The following LRP1B variants were observed in gnomAD, a reference collection of about 807,000 sequenced individuals.
The protein encoded by LRP1B is LDL receptor related protein 1B.
In LRP1B, 217 loss-of-function variants were observed where a neutral mutation model predicts 556.6. The observed-to-expected ratio is 0.39, with a 90% CI of 0.35 to 0.44. The LOEUF (loss-of-function observed/expected upper bound fraction) is 0.44, where lower values mean the gene tolerates loss of function less well. Ranked by LOEUF, LRP1B falls within the 20% of genes least tolerant of loss-of-function variation. The probability of loss-of-function intolerance (pLI) is 1.00; values close to 1 mark genes in which losing one functional copy is unlikely to be tolerated. For missense variants in LRP1B, 5,053 were observed against 5,620.8 expected (o/e 0.90, Z 3.23); for synonymous variants, 2,047 against 1,865.8 (o/e 1.10, Z -2.50).
chr2:141,310,115 G>A (rs1686755928), intron 3 of LRP1B, among the ~76,000 whole-genome samples: 1 of 152,124 alleles, frequency 6.6e-6, no homozygotes, highest in South Asian at 2.1e-4. Flanking sequence ...TGTATGTATA[G>A]GTAGACAAAC....
chr2:140,631,470 C>T (rs2890530), intron 41 of LRP1B, among the ~76,000 whole-genome samples: 23 of 152,178 alleles, frequency 1.5e-4, no homozygotes, highest in Admixed American at 2.0e-4. Context: ...GGAAACTATA[C>T]GAGTTAAAAG....
At chr2:141,892,396 A>C (rs947275984) in intron 1 of LRP1B, among the ~76,000 whole-genome samples, 1 of 151,964 alleles carries the variant, frequency 6.6e-6, no homozygotes, top group Non-Finnish European at 1.5e-5. Context: ...TTAAGTGGAA[A>C]TTTTTTTAAA....
chr2:141,790,023 G>T (rs1478946502), intron 2 of LRP1B, among the ~76,000 whole-genome samples: 6 of 151,922 alleles, frequency 3.9e-5, no homozygotes, highest in Non-Finnish European at 8.8e-5. Flanking sequence ...TAAAGAAAGA[G>T]TTTAAGCCTA....
At chr2:142,016,012 A>AAAAAAAAAAAAAAAAAAAAAAT in intron 1 of LRP1B, among the ~76,000 whole-genome samples, 1 of 149,428 alleles carries the variant, frequency 6.7e-6, no homozygotes, top group South Asian at 2.1e-4. Flanking sequence ...AAAAAAAAAA[A>AAAAAAAAAAAAAAAAAAAAAAT]GTGGGTGAAG....
chr2:141,499,857 G>C (rs1683648942), intron 2 of LRP1B, among the ~76,000 whole-genome samples: 1 of 151,964 alleles, frequency 6.6e-6, no homozygotes, highest in Non-Finnish European at 1.5e-5. Flanking sequence ...ATCAAATCTT[G>C]AATTTGTTTA....
chr2:140,572,598 T>C (rs1302109072), intron 43 of LRP1B, among the ~76,000 whole-genome samples: 1 of 151,610 alleles, frequency 6.6e-6, no homozygotes, highest in Non-Finnish European at 1.5e-5. Context: ...ATAGAGTTAC[T>C]ATATGAACCA....
At chr2:141,661,427 C>T (rs920121035) in intron 2 of LRP1B, among the ~76,000 whole-genome samples, 1 of 152,074 alleles carries the variant, frequency 6.6e-6, no homozygotes, top group Non-Finnish European at 1.5e-5. Context: ...AAGGTAAGAA[C>T]CATGATAAAA....
intron 2 of LRP1B, among the ~76,000 whole-genome samples, chr2:141,490,896 G>A (rs965066895): frequency 6.9e-6 from 1 of 145,620 alleles, no homozygotes; most frequent in African/African-American, 2.6e-5. Flanking sequence ...TTTCTCCTTC[G>A]TCCCCCTCCC....
intron 3 of LRP1B, among the ~76,000 whole-genome samples, chr2:141,292,316 A>G (rs1686003619): frequency 2.0e-5 from 3 of 152,158 alleles, no homozygotes; most frequent in Non-Finnish European, 4.4e-5. Flanking sequence ...TGTTCCATAC[A>G]GCACACTCCG....
At chr2:141,138,393 C>G (rs536488353) in intron 7 of LRP1B, among the ~76,000 whole-genome samples, 3 of 151,936 alleles carry the variant, frequency 2.0e-5, no homozygotes, top group African/African-American at 7.2e-5. Flanking sequence ...CACTTCTATT[C>G]AATACAGTAC....
rs372463705 is a variant in LRP1B at position 140,469,358 on chromosome 2, C to T, written c.9625+5780G>A. ...TATGAAGCAGACAGTGAGCCCTTTA[C>T]TAGACACTGATTCTACTGGCACTTT... On this transcript the variant is annotated intron_variant, in intron 60 of 90. Coordinates refer to ENST00000389484, the MANE Select transcript of LRP1B (RefSeq NM_018557.3). Among the ~76,000 whole-genome samples the T allele has an allele frequency of 2.7e-3, 418 of 152,300 alleles. 2 individuals are homozygous for T. Among genetic ancestry groups the T allele is most frequent in the African/African-American group, 9.6e-3 (400 of 41,548 alleles).
chr2:141,049,113 A>T lies in LRP1B; in HGVS notation c.1662T>A (p.Asn554Lys), dbSNP rs753336465. 6 of 1,613,368 alleles carry T rather than the reference A, an allele frequency of 3.7e-6. No homozygotes were observed. Among genetic ancestry groups the T allele is most frequent in the Admixed American group, 1.7e-5 (1 of 59,906 alleles). The change falls in exon 11 of 91, where the codon AAT becomes AAA. Residue 554 changes from asparagine to lysine, a missense_variant. Coordinates refer to ENST00000389484, the MANE Select transcript of LRP1B (RefSeq NM_018557.3). ...IADEYMIPIE[N>K]LVNPRALDFH... ...AGTCTAAAGCACGAGGGTTTACCAG[A>T]TTTTCTATGGGGATCATGTATTCAT...
intron 2 of LRP1B, among the ~76,000 whole-genome samples, chr2:141,755,845 A>G (rs1415792444): frequency 6.6e-6 from 1 of 151,878 alleles, no homozygotes; most frequent in Non-Finnish European, 1.5e-5. Context: ...AGATTTATAT[A>G]TTTACTGACT....
Position 141,372,726 on chromosome 2 carries a change from T to G in LRP1B, c.343+107670A>C, listed in dbSNP as rs78721576. Reference sequence around the variant, plus strand: ...AATTTCTATGGTATCAGTTGTAATATCTCCTTTTTCATTGCTGTTTATTTA... The same window carrying G: ...AATTTCTATGGTATCAGTTGTAATAGCTCCTTTTTCATTGCTGTTTATTTA... On this transcript the variant is annotated intron_variant, in intron 3 of 90. Transcript: ENST00000389484. Among the ~76,000 whole-genome samples the G allele has an allele frequency of 6.6e-3, 1,000 of 152,154 alleles. 13 individuals carry two copies. The highest frequency in any genetic ancestry group is 0.023 in the African/African-American group (963 of 41,540).
chr2:140,335,483 G>C (rs1681037106), intron 78 of LRP1B, 132 bp downstream of exon 78: 1 of 650,274 alleles, frequency 1.5e-6, no homozygotes, highest in Admixed American at 2.7e-5. Flanking sequence ...AGAAGAAATA[G>C]TACAAGGATA....
chr2:140,702,514 A>G lies in LRP1B; in HGVS notation c.6063T>C (p.Ile2021=), dbSNP rs1406851204. ...CTGAGCCATCCAAGCGAGCCTTTCC[A>G]ATACAGGGCATTTGTCCCCATTCAG... The part of the protein sequence containing the change: ...FWTEWGQMPC[I]GKARLDGSEK... The change falls in exon 38 of 91, where the codon ATT becomes ATC. Residue 2021 remains isoleucine (I), a synonymous_variant. Transcript: ENST00000389484. 1 of 1,613,452 alleles carries G rather than the reference A, an allele frequency of 6.2e-7. No individual in the cohort carries two copies.
At chr2:142,043,056 C>T (rs907259220) in intron 1 of LRP1B, among the ~76,000 whole-genome samples, 19 of 151,486 alleles carry the variant, frequency 1.3e-4, no homozygotes, top group East Asian at 5.8e-4. Flanking sequence ...ACACTAACCT[C>T]GTGATATTGT....
At chr2:141,679,686 A>T (rs1396652552) in intron 2 of LRP1B, among the ~76,000 whole-genome samples, 1 of 151,986 alleles carries the variant, frequency 6.6e-6, no homozygotes, top group Non-Finnish European at 1.5e-5. Context: ...GGACAAACTA[A>T]ATATACATCA....
chr2:141,898,331 T>C (rs181550499), intron 1 of LRP1B, among the ~76,000 whole-genome samples: 31 of 152,254 alleles, frequency 2.0e-4, no homozygotes, highest in African/African-American at 7.2e-4. Context: ...GGCTCCCATG[T>C]GTGGTTAAAA....
Sources: gnomAD v4.1 joint callset for allele counts (sites outside exome capture counted in the v4.1 genomes callset) on GRCh38, gnomAD v4.1.1 for gene constraint, MANE v1.5 for transcripts, NCBI Gene and HGNC (gene_info 2026-07-23, HGNC 2026-07-21) for gene names.